THOC5: variants seen among roughly 807,000 people sequenced by gnomAD.
THOC5 encodes the protein THO complex subunit 5.
In THOC5, 43 loss-of-function variants were observed where a neutral mutation model predicts 92.9. The ratio of observed to expected loss-of-function variants is 0.46; its 90% CI spans 0.36 to 0.60. The LOEUF is 0.60. Ranked by LOEUF, THOC5 falls within the 20% of genes least tolerant of loss-of-function variation. The pLI is 0.00. For missense variants in THOC5, 659 were observed against 849.4 expected, an observed-to-expected ratio of 0.78 and a Z score of 2.79; for synonymous variants, 296 against 320.1, an observed-to-expected ratio of 0.92 and a Z score of 0.80.
At chr22:29,522,938 T>G (rs552262569) in intron 12 of THOC5, among the ~76,000 whole-genome samples, 2 of 151,654 alleles carry the variant, frequency 1.3e-5, no homozygotes. Context: ...GAGGCGGAGG[T>G]TGCAGTGAGC....
intron 5 of THOC5, 142 bp from the exon 6 acceptor site, chr22:29,539,618 A>G (rs1273222083): frequency 4.7e-6 from 4 of 842,280 alleles, no homozygotes; most frequent in Non-Finnish European, 7.1e-6. Context: ...ACAAATGCTC[A>G]TTAGCAGATA....
intron 2 of THOC5, among the ~76,000 whole-genome samples, chr22:29,545,806 A>G (rs2146558786): frequency 6.6e-6 from 1 of 152,276 alleles, no homozygotes; most frequent in South Asian, 2.1e-4. Flanking sequence ...TTTCAGGTGC[A>G]TGGTGCAAGC....
intron 7 of THOC5, chr22:29,534,589 C>A (rs5763306): frequency 0.2 from 29,821 of 149,880 alleles, 3,264 homozygotes; most frequent in East Asian, 0.43. Context: ...TGAACTAGAT[C>A]GCCTTGAGTT....
At position 29,544,839 on chromosome 22, in the gene THOC5, AGAG is replaced by A. The variant is rs555420982; in HGVS notation, c.97-239_97-237del. On this transcript the variant is annotated intron_variant, in intron 2 of 19. Transcript: ENST00000490103. ...CTGGTATCAAAGATTCAGAATATAC[AGAG>A]GAGTATCAAAAAGAAAATGGAAAAA... 1.8e-4 allele frequency among the ~76,000 whole-genome samples: 27 copies of A among 152,350 alleles called. No homozygotes were observed. The South Asian group carries it at 5.2e-3, about 29-fold the overall frequency.
chr22:29,532,480 A>T (rs1411939922), intron 7 of THOC5, among the ~76,000 whole-genome samples: 1 of 151,538 alleles, frequency 6.6e-6, no homozygotes, highest in Non-Finnish European at 1.5e-5. Context: ...CCTGACGGAC[A>T]CAGAGAACCC....
At chr22:29,542,242 C>T (rs570617437) in intron 5 of THOC5, among the ~76,000 whole-genome samples, 2 of 152,122 alleles carry the variant, frequency 1.3e-5, no homozygotes, top group East Asian at 3.8e-4. Flanking sequence ...AAGTGAGTTG[C>T]TCCCATACAA....
chr22:29,508,475 T>A lies in THOC5; in HGVS notation c.2034A>T (p.Gly678=), dbSNP rs917690270. The change falls in exon 20 of 20, where the codon GGA becomes GGT. Residue 678 remains glycine, a synonymous_variant. Coordinates refer to ENST00000490103, the MANE Select transcript of THOC5 (RefSeq NM_003678.5). ...MKPFKYNHPQ[G]FFSHR ...CGGGAGATCAGCGATGGCTGAAGAA[T>A]CCCTGAGGATGGTTGTATTTAAATG... The A allele has an allele frequency of 6.2e-7, 1 of 1,614,118 alleles. No homozygotes were observed. The highest frequency in any genetic ancestry group is 1.1e-5 in the South Asian group (1 of 91,078).
intron 4 of THOC5, 86 bp downstream of exon 4, chr22:29,543,343 G>A (rs1366872862): frequency 2.7e-5 from 19 of 706,562 alleles, no homozygotes; most frequent in African/African-American, 6.5e-5. Flanking sequence ...ACGAGACTCT[G>A]TCTCAAAAAA....
At chr22:29,538,677 G>A (rs553428860) in intron 6 of THOC5, among the ~76,000 whole-genome samples, 2 of 151,704 alleles carry the variant, frequency 1.3e-5, no homozygotes, top group Non-Finnish European at 2.9e-5. Context: ...GGCACCCATA[G>A]TCCTGGCTAC....
In THOC5 at chr22:29,529,162, C is replaced by T. The variant is rs1217887403; in HGVS notation, c.925G>A (p.Asp309Asn). ...ALFKPPEDSQ[D>N]DESDSDAEEE... ...GGACGAATCCCAACCACCACATTAC[C>T]TTGGGAGTCCTCTGGAGGTTTGAAC... Residue 309 changes from aspartate (D) to asparagine (N), a missense_variant and splice_region_variant, in exon 9 of 20, where the codon GAT (aspartate) becomes AAT (asparagine). Transcript: ENST00000490103. 6.2e-7 allele frequency: 1 copy of T among 1,614,180 alleles called. No individual in the cohort carries two copies. Among genetic ancestry groups the T allele is most frequent in the South Asian group, 1.1e-5 (1 of 91,074 alleles).
rs750331931 is a variant in THOC5 at position 29,528,503 on chromosome 22, G to T, written c.926-37C>A. The T allele has an allele frequency of 7.5e-6, 12 of 1,609,158 alleles. No homozygotes were observed. The South Asian group carries it at 1.3e-4, about 18-fold the overall frequency. On this transcript the variant is annotated intron_variant, in intron 9 of 19. Transcript: ENST00000490103. ...GAGAGAAGGCAGCTAGAGGTGAGGG[G>T]GCTCCAAATGCTCCCTAAAGCACTC... is the stretch of plus-strand genomic sequence containing the variant.
rs766530547 is a variant in THOC5 at position 29,521,061 on chromosome 22, T to C, written c.1214A>G (p.Tyr405Cys). Residue 405 changes from tyrosine (Y) to cysteine (C), a missense_variant, in exon 13 of 20, where the codon TAT becomes TGT. Transcript: ENST00000490103. ...AGTTTTCTTTCCATGATCCCCAGGA[T>C]ACAAGCAACTCAGGACTGAGTCAGG... Reference protein sequence around the residue: ...LSPDSVLSCLYPGDHGKKTPN... With the variant: ...LSPDSVLSCLCPGDHGKKTPN... The C allele has an allele frequency of 5.0e-6, 8 of 1,614,048 alleles. No homozygotes were observed. The South Asian group carries it at 7.7e-5, about 16-fold the overall frequency.
chr22:29,540,949 G>A (rs1332335792), intron 5 of THOC5, among the ~76,000 whole-genome samples: 1 of 152,156 alleles, frequency 6.6e-6, no homozygotes, highest in Non-Finnish European at 1.5e-5. Flanking sequence ...GGGCACAGTG[G>A]CTCATGCCTG....
At chr22:29,511,017 G>A in intron 19 of THOC5, 89 bp downstream of exon 19, 2 of 1,432,614 alleles carry the variant, frequency 1.4e-6, no homozygotes, top group Non-Finnish European at 1.9e-6. Flanking sequence ...TTTCAGGAAG[G>A]AAGAAGCAAG....
At chr22:29,516,352 C>T (rs1046616128) in intron 17 of THOC5, among the ~76,000 whole-genome samples, 4 of 152,116 alleles carry the variant, frequency 2.6e-5, no homozygotes, top group Non-Finnish European at 5.9e-5. Context: ...AGGACAGAAA[C>T]TCTGATACCA....
chr22:29,531,160 G>A, intron 8 of THOC5: 4 of 1,134,870 alleles, frequency 3.5e-6, no homozygotes, highest in Non-Finnish European at 4.4e-6. Context: ...GGACCAGAAG[G>A]ACGAGGAAGA....
At chr22:29,539,886 G>A (rs1000856242) in intron 5 of THOC5, among the ~76,000 whole-genome samples, 4 of 152,198 alleles carry the variant, frequency 2.6e-5, no homozygotes, top group African/African-American at 7.2e-5. Flanking sequence ...GACATTAGCC[G>A]CGTAAGAACA....
At chr22:29,529,083 G>T in intron 9 of THOC5, 79 bp downstream of exon 9, 2 of 1,371,114 alleles carry the variant, frequency 1.5e-6, no homozygotes, top group Non-Finnish European at 2.1e-6. Flanking sequence ...AACTAGTCCA[G>T]CTAGTTCTCC....
At chr22:29,530,332 A>T (rs1168690548) in intron 8 of THOC5, among the ~76,000 whole-genome samples, 2 of 151,966 alleles carry the variant, frequency 1.3e-5, no homozygotes, top group African/African-American at 4.8e-5. Context: ...CAGCCTGGCC[A>T]ACATGGTGAA....
Sources: allele counts gnomAD v4.1 joint callset (sites outside exome capture counted in the v4.1 genomes callset), GRCh38; gene constraint gnomAD v4.1.1; transcripts MANE v1.5; gene names NCBI Gene and HGNC (gene_info 2026-07-23, HGNC 2026-07-21).